MEF2C: variants seen among roughly 807,000 people sequenced by gnomAD.
The protein encoded by MEF2C is myocyte enhancer factor 2C.
A neutral mutation model predicts 50.5 loss-of-function variants in MEF2C; 6 were observed. That is an observed-to-expected ratio of 0.12 (90% confidence interval 0.07 to 0.23). The LOEUF (loss-of-function observed/expected upper bound fraction) is 0.23, where lower values mean the gene tolerates loss of function less well. Among genes scored for constraint, MEF2C ranks in the 10% least tolerant of loss-of-function variants. MEF2C has a pLI of 1.00. For missense variants in MEF2C, 276 were observed against 605.0 expected, an observed-to-expected ratio of 0.46 and a Z score of 5.70; for synonymous variants, 183 against 228.0, an observed-to-expected ratio of 0.80 and a Z score of 1.78.
chr5:88,852,700 G>A (rs116445246), intron 1 of MEF2C, among the ~76,000 whole-genome samples: 5,879 of 151,852 alleles, frequency 0.039, 174 homozygotes, highest in Non-Finnish European at 0.056. Flanking sequence ...GTGAAACCCC[G>A]TTTCACCGTT....
At chr5:88,778,001 T>C (rs777438883) in intron 3 of MEF2C, among the ~76,000 whole-genome samples, 1 of 144,656 alleles carries the variant, frequency 6.9e-6, no homozygotes, top group Middle Eastern at 3.7e-3. Context: ...GCCTCCCAGG[T>C]TCACGCCATT....
intron 3 of MEF2C, among the ~76,000 whole-genome samples, chr5:88,802,106 G>A (rs936401224): frequency 2.6e-5 from 4 of 152,296 alleles, no homozygotes; most frequent in Non-Finnish European, 5.9e-5. Context: ...CAAAAGCCTC[G>A]AAGTGTCTTT....
At chr5:88,771,564 A>G in intron 3 of MEF2C, 9 of 985,404 alleles carry the variant, frequency 9.1e-6, no homozygotes, top group Non-Finnish European at 1.1e-5. Context: ...CCAGGTAGTG[A>G]GTTCTGTGAA....
In MEF2C at chr5:88,845,772, G is replaced by A. The variant is rs616694; in HGVS notation, c.-142-21842C>T. Among the ~76,000 whole-genome samples, 1,066 of 152,202 alleles carry A rather than the reference G, an allele frequency of 7.0e-3. 13 individuals carry two copies. The highest frequency in any genetic ancestry group is 0.025 in the African/African-American group (1,029 of 41,550). On this transcript the variant is annotated intron_variant, in intron 1 of 10. Transcript: ENST00000504921. ...GAAAACTTTTGTTTTTTGAGATGGA[G>A]TCTCGCTCTGTCGCCAGGCTGGAGT...
intron 6 of MEF2C, chr5:88,743,905 T>C (rs1158173213): frequency 2.2e-6 from 2 of 916,046 alleles, no homozygotes; most frequent in Non-Finnish European, 2.6e-6. Flanking sequence ...TTACAATAAA[T>C]GCCAATTAAA....
intron 2 of MEF2C, among the ~76,000 whole-genome samples, chr5:88,823,142 CTA>C (rs1409584379): frequency 1.3e-5 from 2 of 151,918 alleles, no homozygotes; most frequent in African/African-American, 4.8e-5. Context: ...CCATCTGCCT[CTA>C]TGTTTATCAA....
At position 88,860,323 on chromosome 5, in the gene MEF2C, C is replaced by T. The variant is rs201571097; in HGVS notation, c.-143+22632G>A. 2.3e-4 allele frequency among the ~76,000 whole-genome samples: 33 copies of T among 140,812 alleles called. No individual in the cohort carries two copies. In the East Asian group the frequency reaches 4.9e-3, roughly 21 times the overall value. 92.4% of individuals were successfully genotyped at this position (140,812 alleles called of 152,430 possible). A position where few individuals can be genotyped will look rare whatever the true frequency, so the allele number is the denominator to read the frequency against. On this transcript the variant is annotated intron_variant, in intron 1 of 10. Transcript: ENST00000504921. ...ATAAATGCATGAAACTATTTGTATG[C>T]TTTTTTTTTTTTTTATGGTAAGGTA...
intron 5 of MEF2C, chr5:88,751,103 C>T: frequency 1.0e-6 from 1 of 982,362 alleles, no homozygotes; most frequent in Non-Finnish European, 1.2e-6. Flanking sequence ...AACATTCTTC[C>T]CTTAAATGTT....
At chr5:88,842,320 T>C (rs1455823396) in intron 1 of MEF2C, among the ~76,000 whole-genome samples, 1 of 151,496 alleles carries the variant, frequency 6.6e-6, no homozygotes, top group Non-Finnish European at 1.5e-5. Flanking sequence ...ACTAATTAAT[T>C]AATAATATTT....
Position 88,727,864 on chromosome 5 carries a change from T to A in MEF2C, c.1100+629A>T, listed in dbSNP as rs975030374. Among the ~76,000 whole-genome samples, 12 of 151,992 alleles carry A rather than the reference T, an allele frequency of 7.9e-5. No individual in the cohort carries two copies. The South Asian group carries it at 2.1e-3, about 26-fold the overall frequency. Reference sequence around the variant, plus strand: ...CGTTTCCATAGATAAATGACAAGAGTCATTTCTATGATAAAGACATATCTG... The same window carrying A: ...CGTTTCCATAGATAAATGACAAGAGACATTTCTATGATAAAGACATATCTG... On this transcript the variant is annotated intron_variant, in intron 10 of 10. Transcript: ENST00000504921.
At chr5:88,873,377 C>G (rs1374547754) in intron 1 of MEF2C, among the ~76,000 whole-genome samples, 1 of 151,916 alleles carries the variant, frequency 6.6e-6, no homozygotes, top group East Asian at 1.9e-4. Context: ...ATTCTGTCGC[C>G]CATGTGTAGT....
At chr5:88,818,167 A>G (rs1806433098) in intron 2 of MEF2C, among the ~76,000 whole-genome samples, 2 of 152,142 alleles carry the variant, frequency 1.3e-5, no homozygotes, top group South Asian at 4.1e-4. Flanking sequence ...TTTGATCACT[A>G]TACATTATAC....
At chr5:88,884,211 T>G (rs1386597242), upstream of MEF2C, 1 of 152,240 alleles carries the variant, frequency 6.6e-6, no homozygotes, top group Non-Finnish European at 1.5e-5. Context: ...AGTCGGGATC[T>G]TTCCTCTGAC....
intron 1 of MEF2C, among the ~76,000 whole-genome samples, chr5:88,899,117 A>G (rs1835389346): frequency 6.6e-6 from 1 of 152,172 alleles, no homozygotes; most frequent in African/African-American, 2.4e-5. Context: ...GAAAAGTTCA[A>G]AGCTTCGTGT....
rs201012901 is a variant in MEF2C at position 88,749,034 on chromosome 5, C to A, written c.637+36G>T. 16 of 1,557,956 alleles carry A rather than the reference C, an allele frequency of 1.0e-5. No individual in the cohort carries two copies. The African/African-American group carries it at 2.2e-4, about 21-fold the overall frequency. On this transcript the variant is annotated intron_variant, in intron 6 of 10. Transcript: ENST00000504921. ...AATCACCTAGTAGAAGAACTCAGAA[C>A]AATGATACATACTGCAGTATGGAGT...
At chr5:88,795,770 G>A (rs1404505948) in intron 3 of MEF2C, among the ~76,000 whole-genome samples, 6 of 152,186 alleles carry the variant, frequency 3.9e-5, no homozygotes, top group Admixed American at 3.9e-4. Flanking sequence ...GATATTGGCT[G>A]TGGGTTTGTC....
At chr5:88,726,849 A>G (rs1436984851) in intron 10 of MEF2C, among the ~76,000 whole-genome samples, 1 of 152,126 alleles carries the variant, frequency 6.6e-6, no homozygotes, top group African/African-American at 2.4e-5. Context: ...GTAAATAAAT[A>G]TGTGTTTATA....
At chr5:88,739,634 A>C (rs1765653975) in intron 6 of MEF2C, 5 of 985,296 alleles carry the variant, frequency 5.1e-6, no homozygotes, top group Non-Finnish European at 6.0e-6. Flanking sequence ...ATGATCTTCT[A>C]GACTGCAGTC....
chr5:88,738,432 GAAC>G, intron 6 of MEF2C: 1 of 936,972 alleles, frequency 1.1e-6, no homozygotes, highest in Non-Finnish European at 1.3e-6. Flanking sequence ...ATCTTCACAA[GAAC>G]AACCCTGTGG....
Sources: gnomAD v4.1 joint callset for allele counts (sites outside exome capture counted in the v4.1 genomes callset) on GRCh38, gnomAD v4.1.1 for gene constraint, MANE v1.5 for transcripts, NCBI Gene and HGNC (gene_info 2026-07-23, HGNC 2026-07-21) for gene names.